The following KDM4B variants were observed in gnomAD, a reference collection of about 807,000 sequenced individuals.
KDM4B encodes the protein lysine-specific demethylase 4B.
In KDM4B, 32 loss-of-function variants were observed where a neutral mutation model predicts 125.2. The observed-to-expected ratio is 0.26, with a 90% CI of 0.19 to 0.34. The LOEUF (loss-of-function observed/expected upper bound fraction) is 0.34, where lower values mean the gene tolerates loss of function less well. Ranked by LOEUF, KDM4B falls within the 10% of genes least tolerant of loss-of-function variation. The pLI is 1.00. For missense variants in KDM4B, 1,190 were observed against 1,577.7 expected (o/e 0.75, Z 4.16); for synonymous variants, 721 against 677.9 (o/e 1.06, Z -0.99).
chr19:5,015,750 A>G (rs2145515087), intron 1 of KDM4B, among the ~76,000 whole-genome samples: 1 of 152,368 alleles, frequency 6.6e-6, no homozygotes, highest in East Asian at 1.9e-4. Flanking sequence ...TTCCGCATCC[A>G]TCCTACAAGT....
chr19:5,119,393 C>T (rs1035888909), intron 10 of KDM4B, among the ~76,000 whole-genome samples: 4 of 152,142 alleles, frequency 2.6e-5, no homozygotes, highest in South Asian at 4.1e-4. Context: ...CTGTCATCAG[C>T]GTCCCCCGCT....
intron 7 of KDM4B, among the ~76,000 whole-genome samples, chr19:5,073,893 G>A (rs1221228185): frequency 6.6e-6 from 1 of 152,168 alleles, no homozygotes; most frequent in Non-Finnish European, 1.5e-5. Flanking sequence ...GACGTCAGAG[G>A]ATTGCTTGAG....
chr19:5,049,511 G>A (rs2037150468), intron 6 of KDM4B, among the ~76,000 whole-genome samples: 1 of 151,960 alleles, frequency 6.6e-6, no homozygotes, highest in African/African-American at 2.4e-5. Flanking sequence ...GTGGGGCCTG[G>A]CATGAGGGGC....
At chr19:4,996,057 C>G (rs2035190951) in intron 1 of KDM4B, among the ~76,000 whole-genome samples, 1 of 152,136 alleles carries the variant, frequency 6.6e-6, no homozygotes, top group Admixed American at 6.5e-5. Flanking sequence ...GTGGTGTGAT[C>G]TCAGCTCACC....
At chr19:5,119,537 T>TC in intron 10 of KDM4B, 116 bp from the exon 11 acceptor site, 2 of 1,038,902 alleles carry the variant, frequency 1.9e-6, no homozygotes, top group South Asian at 2.7e-5. Flanking sequence ...GGCCCCCTGC[T>TC]CATGGAGCGC....
At chr19:5,034,256 T>C (rs1213786756) in intron 3 of KDM4B, among the ~76,000 whole-genome samples, 1 of 152,236 alleles carries the variant, frequency 6.6e-6, no homozygotes, top group Non-Finnish European at 1.5e-5. Flanking sequence ...CCCCTCAGTT[T>C]GGAAGATGAA....
At chr19:4,983,425 G>A (rs2034717250) in intron 1 of KDM4B, among the ~76,000 whole-genome samples, 2 of 152,220 alleles carry the variant, frequency 1.3e-5, no homozygotes, top group Non-Finnish European at 1.5e-5. Flanking sequence ...GGCAGGACAC[G>A]CTGCGACAGG....
chr19:5,103,652 G>A (rs1339643666), intron 9 of KDM4B, among the ~76,000 whole-genome samples: 1 of 152,234 alleles, frequency 6.6e-6, no homozygotes, highest in Non-Finnish European at 1.5e-5. Context: ...AGCTGCAGCA[G>A]CTGGTCGAGC....
At chr19:5,050,574 A>G (rs2037188252) in intron 6 of KDM4B, among the ~76,000 whole-genome samples, 1 of 152,186 alleles carries the variant, frequency 6.6e-6, no homozygotes, top group South Asian at 2.1e-4. Context: ...CATAGAAGCC[A>G]CTGTCCCAGG....
intron 10 of KDM4B, chr19:5,119,084 C>A: frequency 7.3e-7 from 1 of 1,367,836 alleles, no homozygotes; most frequent in Non-Finnish European, 1.0e-6. Context: ...GAGCAGAAGT[C>A]CTAGAGAAAA....
intron 18 of KDM4B, 103 bp downstream of exon 18, chr19:5,138,173 C>CT: frequency 1.2e-6 from 1 of 838,018 alleles, no homozygotes. Flanking sequence ...CCTCCAAGCT[C>CT]TGCGTCTCCA....
At position 5,114,103 on chromosome 19, in the gene KDM4B, T is replaced by C; in HGVS notation, c.1115+3285T>C. On this transcript the variant is annotated intron_variant, in intron 10 of 22. Coordinates refer to ENST00000159111, the MANE Select transcript of KDM4B (RefSeq NM_015015.3). The surrounding 1 kb of genome is among the most constrained non-coding windows in gnomAD (Gnocchi z 5.8). ...TCAGCCTCCCCACTCCCGGTGGCGC[T>C]GTGCGTTCTGGTGCCCTGCCTGAGC... 7.8e-7 allele frequency: 1 copy of C among 1,289,540 alleles called. No individual in the cohort carries two copies. Among genetic ancestry groups the C allele is most frequent in the South Asian group, 1.2e-5 (1 of 81,012 alleles). The allele number at this position is 1,289,540 out of a possible 1,614,324, so 79.9% of individuals were successfully genotyped here.
intron 9 of KDM4B, among the ~76,000 whole-genome samples, chr19:5,095,372 C>T (rs1246238746): frequency 1.3e-5 from 2 of 152,236 alleles, no homozygotes; most frequent in African/African-American, 4.8e-5. Context: ...TGCCACTCTA[C>T]TGTTTTACAT....
chr19:5,110,760 C>T lies in KDM4B; in HGVS notation c.1057C>T (p.Pro353Ser). The T allele has an allele frequency of 6.2e-7, 1 of 1,609,902 alleles. No homozygotes were observed. Among genetic ancestry groups the T allele is most frequent in the Non-Finnish European group, 8.5e-7 (1 of 1,178,508 alleles). ...CACGCGGCCCACGGCGCTCACCAGC[C>T]CCGAGCTGAGCTCCTGGAGTGCATC... ...DHTRPTALTS[P>S]ELSSWSASRA... The change falls in exon 10 of 23, where the codon CCC becomes TCC. Residue 353 changes from proline to serine, a missense_variant. Physicochemically the swap from Pro to Ser is moderately conservative, Grantham distance 74 (BLOSUM62 -1). Coordinates refer to ENST00000159111, the MANE Select transcript of KDM4B (RefSeq NM_015015.3).
chr19:5,058,848 C>T (rs858419), intron 6 of KDM4B, among the ~76,000 whole-genome samples: 48 of 152,334 alleles, frequency 3.2e-4, no homozygotes, highest in African/African-American at 1.0e-3. Context: ...ACAAACCTGG[C>T]GCCCGCTTCC....
chr19:5,132,079 T>C (rs2039568374), intron 13 of KDM4B, 72 bp downstream of exon 13: 2 of 1,466,686 alleles, frequency 1.4e-6, no homozygotes, highest in Admixed American at 4.9e-5. Flanking sequence ...AGGGGGGGCC[T>C]GGCTCCCCTG....
intron 9 of KDM4B, among the ~76,000 whole-genome samples, chr19:5,092,142 C>T (rs945996692): frequency 6.6e-6 from 1 of 152,200 alleles, no homozygotes; most frequent in Non-Finnish European, 1.5e-5. Flanking sequence ...TGCTGCATGT[C>T]TGGAGGGTGA....
At chr19:5,090,479 C>T (rs1240836104) in intron 9 of KDM4B, among the ~76,000 whole-genome samples, 2 of 40,828 alleles carry the variant, frequency 4.9e-5, no homozygotes, top group Admixed American at 2.2e-4. Flanking sequence ...TCTCTCCCCC[C>T]CTCTCTTTCT....
chr19:4,996,210 A>G (rs978089139), intron 1 of KDM4B, among the ~76,000 whole-genome samples: 94 of 151,924 alleles, frequency 6.2e-4, no homozygotes, highest in African/African-American at 2.1e-3. Context: ...GGCTGGTCTC[A>G]AACTCCTGAC....
Sources: allele counts gnomAD v4.1 joint callset (sites outside exome capture counted in the v4.1 genomes callset), GRCh38; gene constraint gnomAD v4.1.1; non-coding constraint Gnocchi (gnomAD v3.1); transcripts MANE v1.5; gene names NCBI Gene and HGNC (gene_info 2026-07-23, HGNC 2026-07-21).